The following ERBB4 variants were observed in gnomAD, a reference collection of about 807,000 sequenced individuals.
ERBB4 encodes the protein erb-b2 receptor tyrosine kinase 4, also known as receptor tyrosine-protein kinase erbB-4.
A neutral mutation model predicts 158.0 loss-of-function variants in ERBB4; 42 were observed. The ratio of observed to expected loss-of-function variants is 0.27; its 90% CI spans 0.21 to 0.34. The LOEUF is 0.34. Ranked by LOEUF, ERBB4 falls within the 10% of genes least tolerant of loss-of-function variation. The probability of loss-of-function intolerance (pLI) is 1.00; values close to 1 mark genes in which losing one functional copy is unlikely to be tolerated. For missense variants in ERBB4, 1,333 were observed against 1,624.1 expected (o/e 0.82, Z 3.08); for synonymous variants, 583 against 558.7 (o/e 1.04, Z -0.61).
At chr2:212,489,185 T>C (rs1690137775) in intron 1 of ERBB4, among the ~76,000 whole-genome samples, 1 of 151,834 alleles carries the variant, frequency 6.6e-6, no homozygotes. Flanking sequence ...TCCCCTTATA[T>C]CCCACACGTA....
At chr2:212,254,848 C>G (rs1325519590) in intron 1 of ERBB4, among the ~76,000 whole-genome samples, 1 of 152,062 alleles carries the variant, frequency 6.6e-6, no homozygotes, top group African/African-American at 2.4e-5. Flanking sequence ...ACCACTCTTA[C>G]AGTTTAAGAT....
intron 1 of ERBB4, among the ~76,000 whole-genome samples, chr2:212,430,862 G>C (rs2092012530): frequency 6.6e-6 from 1 of 151,974 alleles, no homozygotes; most frequent in Non-Finnish European, 1.5e-5. Context: ...GAGTGAGAGG[G>C]AGAGACAGAG....
chr2:211,761,930 A>G lies in ERBB4; in HGVS notation c.557-11226T>C, dbSNP rs79614802. Among the ~76,000 whole-genome samples the G allele has an allele frequency of 9.9e-3, 1,501 of 152,290 alleles. 28 individuals are homozygous for G. Among genetic ancestry groups the G allele is most frequent in the African/African-American group, 0.034 (1,422 of 41,562 alleles). ...CTCCTTTCAGGCTCCATTATTTACA[A>G]TTGGTGGAACTGTGGGTAAAGAACT... is the stretch of plus-strand genomic sequence containing the variant. On this transcript the variant is annotated intron_variant, in intron 4 of 27. Coordinates refer to ENST00000342788, the MANE Select transcript of ERBB4 (RefSeq NM_005235.3).
intron 2 of ERBB4, among the ~76,000 whole-genome samples, chr2:211,990,482 T>C (rs994471215): frequency 1.8e-4 from 27 of 151,602 alleles, no homozygotes; most frequent in African/African-American, 6.5e-4. Context: ...TATGTGCATA[T>C]CATTGCACCA....
intron 20 of ERBB4, among the ~76,000 whole-genome samples, chr2:211,468,997 G>C (rs944030818): frequency 1.3e-5 from 2 of 151,762 alleles, no homozygotes; most frequent in Non-Finnish European, 2.9e-5. Context: ...GTAGAGATGA[G>C]AAAGCTGACA....
intron 1 of ERBB4, among the ~76,000 whole-genome samples, chr2:212,367,587 G>A (rs2089936945): frequency 6.6e-6 from 1 of 152,016 alleles, no homozygotes. Context: ...ATAAATAGCT[G>A]GGACTTAATT....
Position 211,883,975 on chromosome 2 carries a change from T to A in ERBB4, c.421+63455A>T, listed in dbSNP as rs1450394999. Among the ~76,000 whole-genome samples the A allele has an allele frequency of 3.3e-5, 5 of 152,246 alleles. No individual in the cohort carries two copies. In the East Asian group the frequency reaches 7.7e-4, roughly 24 times the overall value. On this transcript the variant is annotated intron_variant, in intron 3 of 27. Transcript: ENST00000342788. ...TGAGGCCACTAATTCAAATTTTATA[T>A]AATATGAAATAGAGAAAATTACTTC...
chr2:212,516,927 T>C (rs1691879925), intron 1 of ERBB4, among the ~76,000 whole-genome samples: 1 of 152,124 alleles, frequency 6.6e-6, no homozygotes. Context: ...CAGAATGAAC[T>C]GAATTCCATT....
intron 2 of ERBB4, among the ~76,000 whole-genome samples, chr2:212,092,265 C>A (rs1211275390): frequency 6.6e-6 from 1 of 152,188 alleles, no homozygotes; most frequent in Non-Finnish European, 1.5e-5. Flanking sequence ...AGACTATTCA[C>A]ATAAAATGAG....
At chr2:211,419,212 A>G (rs1033184133) in intron 25 of ERBB4, among the ~76,000 whole-genome samples, 4 of 152,044 alleles carry the variant, frequency 2.6e-5, no homozygotes, top group Non-Finnish European at 5.9e-5. Context: ...GCTGTGTGAC[A>G]CCAGTCATAT....
chr2:211,799,337 A>C (rs1417375754), intron 3 of ERBB4, among the ~76,000 whole-genome samples: 1 of 152,178 alleles, frequency 6.6e-6, no homozygotes, highest in Non-Finnish European at 1.5e-5. Flanking sequence ...ATGTCTTCTA[A>C]ATTACATAAA....
At chr2:211,620,741 T>C (rs1198453281) in intron 18 of ERBB4, among the ~76,000 whole-genome samples, 3 of 152,184 alleles carry the variant, frequency 2.0e-5, no homozygotes, top group Admixed American at 2.0e-4. Flanking sequence ...TTATTATTCA[T>C]TATTCAATAA....
chr2:212,076,107 T>A (rs2078266098), intron 2 of ERBB4, among the ~76,000 whole-genome samples: 1 of 151,918 alleles, frequency 6.6e-6, no homozygotes, highest in Non-Finnish European at 1.5e-5. Flanking sequence ...ACACCTCAAT[T>A]GGTTTGTTAT....
In ERBB4 at chr2:212,293,851, A is replaced by AC. The variant is rs2086300551; in HGVS notation, c.83-168949_83-168948insG. 3.9e-5 allele frequency among the ~76,000 whole-genome samples: 5 copies of AC among 127,446 alleles called. 1 individual carries two copies. The highest frequency in any genetic ancestry group is 1.1e-4 in the African/African-American group (4 of 34,820). 83.6% of individuals were successfully genotyped at this position (127,446 alleles called of 152,430 possible). A position where few individuals can be genotyped will look rare whatever the true frequency, so the allele number is the denominator to read the frequency against. On this transcript the variant is annotated intron_variant, in intron 1 of 27. Transcript: ENST00000342788. ...TGACAGAGGAAGACTCTGTCTCAAA[A>AC]AAAAAAACAAAAAAAAAAAAAACAT...
At chr2:212,005,101 T>A (rs1485208863) in intron 2 of ERBB4, among the ~76,000 whole-genome samples, 1 of 152,172 alleles carries the variant, frequency 6.6e-6, no homozygotes, top group Non-Finnish European at 1.5e-5. Flanking sequence ...TGATTTCCAC[T>A]CCATAAACAT....
intron 20 of ERBB4, among the ~76,000 whole-genome samples, chr2:211,541,767 A>G (rs1371195360): frequency 6.6e-6 from 1 of 152,022 alleles, no homozygotes; most frequent in African/African-American, 2.4e-5. Context: ...ATCATTGTGA[A>G]GTTCAGCAGT....
At position 212,234,933 on chromosome 2, in the gene ERBB4, A is replaced by T. The variant is rs187487091; in HGVS notation, c.83-110030T>A. Among the ~76,000 whole-genome samples the T allele has an allele frequency of 8.6e-5, 13 of 152,014 alleles. No individual in the cohort carries two copies. In the East Asian group the frequency reaches 1.9e-3, roughly 23 times the overall value. ...CTCCCATTCTGTAGGTTGCCTGTTC[A>T]CTCTGATGATAGTTTCCTTTGCTGT... On this transcript the variant is annotated intron_variant, in intron 1 of 27. Transcript: ENST00000342788.
chr2:211,413,620 C>T (rs2125385202), intron 25 of ERBB4, among the ~76,000 whole-genome samples: 1 of 152,174 alleles, frequency 6.6e-6, no homozygotes. Flanking sequence ...AATTCTCGCA[C>T]TATATCATTT....
chr2:212,449,308 C>T (rs544005245), intron 1 of ERBB4, among the ~76,000 whole-genome samples: 95 of 152,130 alleles, frequency 6.2e-4, no homozygotes, highest in East Asian at 1.3e-3. Flanking sequence ...TTATTGCCAA[C>T]GATAAGTATC....
Sources: gnomAD v4.1 joint callset for allele counts (sites outside exome capture counted in the v4.1 genomes callset) on GRCh38, gnomAD v4.1.1 for gene constraint, MANE v1.5 for transcripts, NCBI Gene and HGNC (gene_info 2026-07-23, HGNC 2026-07-21) for gene names.